CDC25B: variants seen among roughly 807,000 people sequenced by gnomAD.
CDC25B encodes M-phase inducer phosphatase 2.
CDC25B carries 33 observed loss-of-function variants against 69.8 expected under a neutral mutation model. That is an observed-to-expected ratio of 0.47 (90% CI 0.36 to 0.63). CDC25B has a LOEUF of 0.63. Among genes scored for constraint, CDC25B ranks in the 30% least tolerant of loss-of-function variants. The pLI, the probability that CDC25B is intolerant of heterozygous loss-of-function variation, is 0.00. For missense variants in CDC25B, 727 were observed against 809.1 expected, an observed-to-expected ratio of 0.90 and a Z score of 1.23; for synonymous variants, 341 against 314.6, an observed-to-expected ratio of 1.08 and a Z score of -0.89.
chr20:3,794,106 A>G (rs1291447887), upstream of CDC25B, among the ~76,000 whole-genome samples: 1 of 150,874 alleles, frequency 6.6e-6, no homozygotes, highest in Non-Finnish European at 1.5e-5. Context: ...TCCTTTGGGT[A>G]TATACCCAGT....
upstream of CDC25B, chr20:3,796,264 T>C (rs1168133827): frequency 7.9e-7 from 1 of 1,260,232 alleles, no homozygotes; most frequent in Non-Finnish European, 1.0e-6. Context: ...GCGCGGCTGC[T>C]GTTATTTTTC....
rs2089453256 is a variant in CDC25B at position 3,805,686 on chromosome 20, C to A, written c.*725C>A. 2.5e-6 allele frequency: 1 copy of A among 402,434 alleles called. No individual in the cohort carries two copies. Among genetic ancestry groups the A allele is most frequent in the African/African-American group, 2.1e-5 (1 of 48,744 alleles). 24.9% of individuals were successfully genotyped at this position (402,434 alleles called of 1,614,324 possible). ...GGGATGTTATTATCCTTGGGGGCTC[C>A]CAGGGCAAGGGTTAAGGCCTGAATC... On this transcript the variant is annotated 3_prime_UTR_variant, in exon 16 of 16. Coordinates refer to ENST00000245960, the MANE Select transcript of CDC25B (RefSeq NM_021873.4).
At chr20:3,802,833 A>G in intron 11 of CDC25B, 77 bp from the exon 12 acceptor site, 1 of 1,263,020 alleles carries the variant, frequency 7.9e-7, no homozygotes. Flanking sequence ...TTTGGGAATG[A>G]AACTTCATTC....
upstream of CDC25B, chr20:3,796,218 T>A: frequency 8.5e-7 from 1 of 1,172,808 alleles, no homozygotes; most frequent in Non-Finnish European, 1.1e-6. Flanking sequence ...AGTCCCGCCC[T>A]CATCTAACCC....
Position 3,797,544 on chromosome 20 carries a change from G to T in CDC25B, c.201-78G>T, listed in dbSNP as rs1600389131. On this transcript the variant is annotated intron_variant, in intron 1 of 15. Coordinates refer to ENST00000245960, the MANE Select transcript of CDC25B (RefSeq NM_021873.4). Reference sequence around the variant, plus strand: ...TCGCTCAGTTCTTTTCTCAGCAAGGGAGTGGGAACGTGGGCTAGCCAGGCC... The same window carrying T: ...TCGCTCAGTTCTTTTCTCAGCAAGGTAGTGGGAACGTGGGCTAGCCAGGCC... 4 of 1,548,140 alleles carry T rather than the reference G, an allele frequency of 2.6e-6. No individual in the cohort carries two copies. In the African/African-American group the frequency reaches 4.1e-5, roughly 16 times the overall value.
At chr20:3,795,465 A>G (rs990688072), upstream of CDC25B, among the ~76,000 whole-genome samples, 2 of 152,264 alleles carry the variant, frequency 1.3e-5, no homozygotes, top group African/African-American at 4.8e-5. Flanking sequence ...ACACCAATTA[A>G]ATAATATGGT....
rs779843493 is a variant in CDC25B, at chr20:3,802,915, C to T, written c.1200C>T (p.Phe400=). ...RELIGDYSKA[F]LLQTVDGKHQ... Reference sequence around the variant, plus strand: ...ATCCCTTCCGTTCCCTTCAGGCCTTCCTCCTACAGACAGTAGACGGAAAGC... The same window carrying T: ...ATCCCTTCCGTTCCCTTCAGGCCTTTCTCCTACAGACAGTAGACGGAAAGC... The change falls in exon 12 of 16, where the codon TTC becomes TTT. Residue 400 remains phenylalanine (F), a synonymous_variant. Transcript: ENST00000245960. 36 of 1,613,494 alleles carry T rather than the reference C, an allele frequency of 2.2e-5. No homozygotes were observed. In the Admixed American group the frequency reaches 6.0e-4, roughly 27 times the overall value.
At chr20:3,797,978 C>T (rs1484976676) in intron 2 of CDC25B, among the ~76,000 whole-genome samples, 2 of 152,320 alleles carry the variant, frequency 1.3e-5, no homozygotes, top group East Asian at 1.9e-4. Flanking sequence ...GGGCCCTCTA[C>T]GGAGATGAGA....
chr20:3,795,878 A>C (rs1427214357), upstream of CDC25B: 16 of 985,492 alleles, frequency 1.6e-5, no homozygotes, highest in Non-Finnish European at 1.9e-5. Flanking sequence ...CTCAGCGTCC[A>C]GGTCTGTAAA....
chr20:3,791,472 C>G (rs1024386610), upstream of CDC25B, among the ~76,000 whole-genome samples: 2 of 152,090 alleles, frequency 1.3e-5, no homozygotes, highest in African/African-American at 4.8e-5. Context: ...CGCTTAAGCC[C>G]AGGAGTTCAA....
rs1428177596 is a variant in CDC25B, at chr20:3,803,672, T to A, written c.1490+135T>A. On this transcript the variant is annotated intron_variant, in intron 14 of 15. Coordinates refer to ENST00000245960, the MANE Select transcript of CDC25B (RefSeq NM_021873.4). The surrounding 1 kb of genome is among the most constrained non-coding windows in gnomAD (Gnocchi z 4.9). ...TCTGTCCCATCTGATGGCCTAGAGCTGACCTCAGCCCCACTTCACTGTGCA... is the reference window on the plus strand; with the variant it reads ...TCTGTCCCATCTGATGGCCTAGAGCAGACCTCAGCCCCACTTCACTGTGCA... The A allele has an allele frequency of 1.0e-5, 11 of 1,102,136 alleles. No homozygotes were observed. Among genetic ancestry groups the A allele is most frequent in the African/African-American group, 1.5e-5 (1 of 64,524 alleles). 68.3% of individuals were successfully genotyped at this position (1,102,136 alleles called of 1,614,324 possible).
chr20:3,801,325 C>A lies in CDC25B; in HGVS notation c.777C>A (p.Thr259=), dbSNP rs375854669. 8 of 1,613,954 alleles carry A rather than the reference C, an allele frequency of 5.0e-6. No individual in the cohort carries two copies. The highest frequency in any genetic ancestry group is 6.8e-6 in the Non-Finnish European group (8 of 1,179,946). Residue 259 remains threonine (T), a synonymous_variant, in exon 8 of 16, where the codon ACC becomes ACA. Coordinates refer to ENST00000245960, the MANE Select transcript of CDC25B (RefSeq NM_021873.4). ...SPLALGRFSL[T]PAEGDTEEDD... is the part of the protein sequence containing the mutation. ...TGGCCCTAGGTCGCTTCTCTCTGAC[C>A]CCTGCAGAGGGGGATACTGAGGAAG...
At chr20:3,789,162 C>A (rs923791756) in intron 1 of CDC25B, among the ~76,000 whole-genome samples, 7 of 152,202 alleles carry the variant, frequency 4.6e-5, no homozygotes, top group Middle Eastern at 3.2e-3. Context: ...TTTGGGAAAT[C>A]CATAACTCAC....
chr20:3,795,009 C>T (rs1021857814), upstream of CDC25B, among the ~76,000 whole-genome samples: 19 of 152,186 alleles, frequency 1.2e-4, no homozygotes, highest in African/African-American at 4.6e-4. Flanking sequence ...TGGGTGCAGC[C>T]TTCAGGCCTC....
intron 1 of CDC25B, among the ~76,000 whole-genome samples, chr20:3,789,478 C>T (rs1287367855): frequency 6.6e-6 from 1 of 152,104 alleles, no homozygotes; most frequent in African/African-American, 2.4e-5. Flanking sequence ...TCAAGCAATT[C>T]TCCTGCTTCA....
intron 15 of CDC25B, 70 bp downstream of exon 15, chr20:3,804,750 G>T (rs11570017): frequency 3.8e-6 from 6 of 1,592,862 alleles, no homozygotes; most frequent in South Asian, 1.1e-5. Context: ...CCATGGGATG[G>T]GGGGTGGGAG....
intron 1 of CDC25B, among the ~76,000 whole-genome samples, chr20:3,789,012 C>T (rs1256534873): frequency 1.3e-5 from 2 of 152,162 alleles, no homozygotes; most frequent in African/African-American, 4.8e-5. Context: ...TTCCAGATAC[C>T]TCGTCTACCC....
chr20:3,803,408 C>G lies in CDC25B; in HGVS notation c.1361C>G (p.Ala454Gly). Residue 454 changes from alanine (A) to glycine (G), a missense_variant, in exon 14 of 16, where the codon GCG (alanine) becomes GGG (glycine). By Grantham distance (60) the Ala-to-Gly change is moderately conservative. Transcript: ENST00000245960. The surrounding 1 kb of genome is among the most constrained non-coding windows in gnomAD (Gnocchi z 4.9). The stretch of plus-strand genomic sequence containing the variant: ...GACCTCTGGCTCCTCTGACAGACTG[C>G]GGTGAACTTGCCCCTGGAACGCGAC... The part of the protein sequence containing the change: ...YEYEGGHIKT[A>G]VNLPLERDAE... The G allele has an allele frequency of 6.2e-7, 1 of 1,614,058 alleles. No homozygotes were observed. Among genetic ancestry groups the G allele is most frequent in the South Asian group, 1.1e-5 (1 of 91,080 alleles).
rs1362384161 is a variant in CDC25B at position 3,800,980 on chromosome 20, G to A, written c.592G>A (p.Val198Ile). Residue 198 changes from valine to isoleucine, a missense_variant, in exon 7 of 16, where the codon GTC becomes ATC. Val to Ile is a conservative substitution (Grantham distance 29, BLOSUM62 3). Transcript: ENST00000245960. ...CCCATCTTGGCTGCAGGATGGATTTGTCTTCAAGATGCCATGGAAGCCCAC... is the reference window on the plus strand; with the variant it reads ...CCCATCTTGGCTGCAGGATGGATTTATCTTCAAGATGCCATGGAAGCCCAC... ...SGEDKENDGF[V>I]FKMPWKPTHP... 3 of 1,614,040 alleles carry A rather than the reference G, an allele frequency of 1.9e-6. No individual in the cohort carries two copies. Among genetic ancestry groups the A allele is most frequent in the Non-Finnish European group, 1.7e-6 (2 of 1,179,890 alleles).
Sources: allele counts gnomAD v4.1 joint callset (sites outside exome capture counted in the v4.1 genomes callset), GRCh38; gene constraint gnomAD v4.1.1; non-coding constraint Gnocchi (gnomAD v3.1); transcripts MANE v1.5; gene names NCBI Gene and HGNC (gene_info 2026-07-23, HGNC 2026-07-21).